Variants in SATB1 observed in about 807,000 individuals in gnomAD.
SATB1 encodes SATB homeobox 1.
Under a neutral mutation model 86.9 loss-of-function variants are expected in SATB1, and 11 were observed. That is an observed-to-expected ratio of 0.13 (90% CI 0.08 to 0.21). SATB1 has a LOEUF of 0.21. Among genes scored for constraint, SATB1 ranks in the 10% least tolerant of loss-of-function variants. The pLI, the probability that SATB1 is intolerant of heterozygous loss-of-function variation, is 1.00. For synonymous variants in SATB1, 357 were observed against 357.2 expected (o/e 1.00, Z 0.01); for missense variants, 551 against 937.6 (o/e 0.59, Z 5.39).
upstream of SATB1, among the ~76,000 whole-genome samples, chr3:18,440,817 T>G (rs1297128441): frequency 6.6e-6 from 1 of 152,168 alleles, no homozygotes; most frequent in African/African-American, 2.4e-5. Context: ...CAAATCAATT[T>G]GAAAAGCAAG....
chr3:18,385,040 T>G (rs2125204718), intron 8 of SATB1, among the ~76,000 whole-genome samples: 1 of 152,320 alleles, frequency 6.6e-6, no homozygotes, highest in South Asian at 2.1e-4. Flanking sequence ...CAGAACCTTA[T>G]GATAAGCAGT....
rs1336673732 is a variant in SATB1, at chr3:18,348,294, G to A, written c.*876C>T. ...AAGAGTGAAGCTTATAGTATGAATT[G>A]CTTGGATAACATAGAGCACTTTTTA... On this transcript the variant is annotated 3_prime_UTR_variant, in exon 11 of 11. Coordinates refer to ENST00000338745, the MANE Select transcript of SATB1 (RefSeq NM_002971.6). 1 of 152,570 alleles carries A rather than the reference G, an allele frequency of 6.6e-6. No homozygotes were observed. The highest frequency in any genetic ancestry group is 1.9e-4 in the East Asian group (1 of 5,206). 9.5% of individuals were successfully genotyped at this position (152,570 alleles called of 1,614,324 possible). A position where few individuals can be genotyped will look rare whatever the true frequency, so the allele number is the denominator to read the frequency against.
chr3:18,348,097 C>A lies in SATB1; in HGVS notation c.*1073G>T, dbSNP rs1191533372. 1.3e-5 allele frequency: 2 copies of A among 152,486 alleles called. No individual in the cohort carries two copies. The highest frequency in any genetic ancestry group is 2.9e-5 in the Non-Finnish European group (2 of 67,980). 9.4% of individuals were successfully genotyped at this position (152,486 alleles called of 1,614,324 possible). A position where few individuals can be genotyped will look rare whatever the true frequency, so the allele number is the denominator to read the frequency against. Reference sequence around the variant, plus strand: ...CATAAACTCATAAAAAAGAAATACACCTTTATACAGAAATTTTATACAGAT... The same window carrying A: ...CATAAACTCATAAAAAAGAAATACAACTTTATACAGAAATTTTATACAGAT... On this transcript the variant is annotated 3_prime_UTR_variant, in exon 11 of 11. Transcript: ENST00000338745.
chr3:18,397,730 T>C (rs1697037273), intron 5 of SATB1, among the ~76,000 whole-genome samples: 1 of 152,228 alleles, frequency 6.6e-6, no homozygotes, highest in Admixed American at 6.5e-5. Flanking sequence ...GGGCATCACT[T>C]GGAAGCTTGT....
intron 5 of SATB1, among the ~76,000 whole-genome samples, chr3:18,404,536 G>C (rs950604213): frequency 6.6e-6 from 1 of 151,926 alleles, no homozygotes; most frequent in African/African-American, 2.4e-5. Flanking sequence ...AGCACAAAGA[G>C]AACACATCCA....
chr3:18,426,794 TGC>T (rs1439514277), upstream of SATB1, among the ~76,000 whole-genome samples: 90 of 152,196 alleles, frequency 5.9e-4, no homozygotes, highest in Non-Finnish European at 1.2e-3. The surrounding 1 kb of genome is among the most constrained non-coding windows in gnomAD (Gnocchi z 4.2). Context: ...AAGGGAAATT[TGC>T]AAATTAAGCT....
intron 1 of SATB1, among the ~76,000 whole-genome samples, 183 bp downstream of exon 1, chr3:18,423,444 G>GC (rs1698491202): frequency 6.6e-6 from 1 of 151,902 alleles, no homozygotes; most frequent in Non-Finnish European, 1.5e-5. Context: ...CGCCTCCTTC[G>GC]CCCCCACACA....
chr3:18,412,651 G>A (rs1697916921), intron 5 of SATB1, among the ~76,000 whole-genome samples: 1 of 151,980 alleles, frequency 6.6e-6, no homozygotes, highest in Non-Finnish European at 1.5e-5. Flanking sequence ...CAAGACTGAG[G>A]CCATATTTAT....
chr3:18,352,387 CTAATCAAAG>C lies in SATB1; in HGVS notation c.1576-201_1576-193del. ...GCTGTCAAGGAGGCAGACTCTGTTTCTAATCAAAGTTCAGATTTGCATCTCAAAGGAGGG... is the reference window on the plus strand; with the variant it reads ...GCTGTCAAGGAGGCAGACTCTGTTTCTTCAGATTTGCATCTCAAAGGAGGG... On this transcript the variant is annotated intron_variant, in intron 9 of 10. Coordinates refer to ENST00000338745, the MANE Select transcript of SATB1 (RefSeq NM_002971.6). The surrounding 1 kb of genome is among the most constrained non-coding windows in gnomAD (Gnocchi z 4.1). 1.8e-6 allele frequency: 1 copy of C among 560,404 alleles called. No homozygotes were observed. The highest frequency in any genetic ancestry group is 2.3e-5 in the South Asian group (1 of 43,248). 34.7% of individuals were successfully genotyped at this position (560,404 alleles called of 1,614,324 possible). A position where few individuals can be genotyped will look rare whatever the true frequency, so the allele number is the denominator to read the frequency against.
chr3:18,400,430 C>A (rs1448904043), intron 5 of SATB1, among the ~76,000 whole-genome samples: 1 of 152,134 alleles, frequency 6.6e-6, no homozygotes, highest in African/African-American at 2.4e-5. Flanking sequence ...AATAGTTGAC[C>A]ATTCCATCAC....
In SATB1 at chr3:18,424,950, T is replaced by C. The variant is rs1309128167; in HGVS notation, c.-1348A>G. On this transcript the variant is annotated 5_prime_UTR_variant, in exon 1 of 11. Transcript: ENST00000338745. ...GTGTGTGTGTGTTTGTGTGTGTGCG[T>C]GAGTGTGAGCGCGAGTCCCCGGACG... 6.5e-6 allele frequency: 1 copy of C among 155,038 alleles called. No homozygotes were observed. The highest frequency in any genetic ancestry group is 1.4e-5 in the Non-Finnish European group (1 of 70,246). 9.6% of individuals were successfully genotyped at this position (155,038 alleles called of 1,614,324 possible). A position where few individuals can be genotyped will look rare whatever the true frequency, so the allele number is the denominator to read the frequency against.
chr3:18,357,963 A>C (rs969685160), intron 9 of SATB1, among the ~76,000 whole-genome samples: 3 of 151,920 alleles, frequency 2.0e-5, no homozygotes, highest in African/African-American at 7.2e-5. Context: ...ATGAAGAATC[A>C]TAACACTGTG....
chr3:18,368,087 C>T (rs11720566), intron 9 of SATB1, among the ~76,000 whole-genome samples: 44,696 of 152,056 alleles, frequency 0.29, 7,880 homozygotes, highest in East Asian at 0.39. Flanking sequence ...GAATAGCAAA[C>T]CCCCATTTGG....
At chr3:18,421,334 C>A in intron 1 of SATB1, 1 of 185,122 alleles carries the variant, frequency 5.4e-6, no homozygotes, top group Non-Finnish European at 1.1e-5. Context: ...TTACGTAGTC[C>A]CAATTTTTAA....
At chr3:18,416,158 C>T (rs1314785209) in intron 3 of SATB1, 25 bp from the exon 4 acceptor site, 1 of 1,569,970 alleles carries the variant, frequency 6.4e-7, no homozygotes, top group Non-Finnish European at 8.7e-7. Flanking sequence ...GAGAATATGT[C>T]ACTAAATATT....
At chr3:18,399,565 C>T (rs1202508133) in intron 5 of SATB1, among the ~76,000 whole-genome samples, 1 of 152,144 alleles carries the variant, frequency 6.6e-6, no homozygotes, top group Non-Finnish European at 1.5e-5. Context: ...ATTATTCGTA[C>T]ATGGAAAATA....
upstream of SATB1, among the ~76,000 whole-genome samples, chr3:18,425,824 G>GGGGCAGGACGGGCAGGACGGGCAGGAC (rs199730219): frequency 7.1e-6 from 1 of 141,186 alleles, no homozygotes; most frequent in Non-Finnish European, 1.6e-5. Flanking sequence ...GGAGGGAGGA[G>GGGGCAGGACGGGCAGGACGGGCAGGAC]GGGCAGGACG....
upstream of SATB1, among the ~76,000 whole-genome samples, chr3:18,429,849 G>C (rs999779781): frequency 6.6e-6 from 1 of 152,150 alleles, no homozygotes; most frequent in Non-Finnish European, 1.5e-5. The surrounding 1 kb of genome is among the most constrained non-coding windows in gnomAD (Gnocchi z 4.1). Context: ...TATGAGAGCA[G>C]AGACTGGGTG....
At chr3:18,399,249 G>C (rs1697120653) in intron 5 of SATB1, among the ~76,000 whole-genome samples, 1 of 152,110 alleles carries the variant, frequency 6.6e-6, no homozygotes, top group Admixed American at 6.6e-5. Context: ...TTTGCTCTTT[G>C]CTGCACACCT....
Sources: allele counts gnomAD v4.1 joint callset (sites outside exome capture counted in the v4.1 genomes callset), GRCh38; gene constraint gnomAD v4.1.1; non-coding constraint Gnocchi (gnomAD v3.1); transcripts MANE v1.5; gene names NCBI Gene and HGNC (gene_info 2026-07-23, HGNC 2026-07-21).